Variants in NAALADL2 observed in about 807,000 individuals in gnomAD.
The protein encoded by NAALADL2 is inactive N-acetylated-alpha-linked acidic dipeptidase-like protein 2.
Under a neutral mutation model 87.2 loss-of-function variants are expected in NAALADL2, and 76 were observed. The ratio of observed to expected loss-of-function variants is 0.87; its 90% CI spans 0.72 to 1.05. NAALADL2 has a LOEUF of 1.05. NAALADL2 is among the 50% of genes least tolerant of loss of function. The probability of loss-of-function intolerance (pLI) is 0.00; values close to 1 mark genes in which losing one functional copy is unlikely to be tolerated. For missense variants in NAALADL2, 1,089 were observed against 945.8 expected (o/e 1.15, Z -1.99); for synonymous variants, 354 against 331.0 (o/e 1.07, Z -0.75).
chr3:174,446,385 C>G (rs932698526), intron 1 of NAALADL2, among the ~76,000 whole-genome samples: 1 of 151,966 alleles, frequency 6.6e-6, no homozygotes, highest in African/African-American at 2.4e-5. Context: ...GCTTTTTGCT[C>G]TTTTACAATC....
intron 13 of NAALADL2, among the ~76,000 whole-genome samples, chr3:175,769,337 T>A (rs1293073555): frequency 6.6e-6 from 1 of 152,206 alleles, no homozygotes; most frequent in Non-Finnish European, 1.5e-5. Flanking sequence ...AATAAATATG[T>A]AATCACAAAC....
chr3:174,553,610 A>T (rs1432855734), intron 2 of NAALADL2, among the ~76,000 whole-genome samples: 4 of 152,114 alleles, frequency 2.6e-5, no homozygotes, highest in African/African-American at 9.7e-5. Context: ...TTTAGGTGGG[A>T]ATTAGATTTA....
At chr3:175,369,502 T>C (rs1766171397) in intron 5 of NAALADL2, 1 of 152,076 alleles carries the variant, frequency 6.6e-6, no homozygotes, top group African/African-American at 2.4e-5. Context: ...AACAAGTATG[T>C]GTGTGCCTGT....
intron 2 of NAALADL2, among the ~76,000 whole-genome samples, chr3:174,577,856 GC>G (rs1214324155): frequency 6.6e-6 from 1 of 151,956 alleles, no homozygotes; most frequent in Non-Finnish European, 1.5e-5. Flanking sequence ...TTAATACAGT[GC>G]TTTTATTATA....
intron 11 of NAALADL2, among the ~76,000 whole-genome samples, chr3:175,654,928 A>G (rs1731247129): frequency 6.7e-6 from 1 of 149,732 alleles, no homozygotes; most frequent in African/African-American, 2.5e-5. Flanking sequence ...AAAGTGCAAG[A>G]TATCTTTTTT....
At chr3:174,698,358 T>G (rs1385092081) in intron 2 of NAALADL2, among the ~76,000 whole-genome samples, 1 of 152,160 alleles carries the variant, frequency 6.6e-6, no homozygotes, top group East Asian at 1.9e-4. Context: ...AAGATAATTT[T>G]ACTGGTTCTA....
At chr3:175,465,063 A>G (rs1230177220) in intron 7 of NAALADL2, among the ~76,000 whole-genome samples, 1 of 151,984 alleles carries the variant, frequency 6.6e-6, no homozygotes, top group East Asian at 1.9e-4. Flanking sequence ...AGTTTCTCAA[A>G]TTTTGCTTAT....
chr3:175,221,246 C>T (rs998982465), intron 2 of NAALADL2, among the ~76,000 whole-genome samples: 1 of 148,612 alleles, frequency 6.7e-6, no homozygotes, highest in African/African-American at 2.5e-5. Flanking sequence ...TCACCATAGA[C>T]TTATTGGTTA....
chr3:175,084,970 T>G (rs956455321), intron 1 of NAALADL2, among the ~76,000 whole-genome samples: 1 of 152,188 alleles, frequency 6.6e-6, no homozygotes, highest in African/African-American at 2.4e-5. Context: ...TCCCTACTTT[T>G]TCTCCAAAAG....
chr3:174,766,878 C>A (rs1713866439), intron 3 of NAALADL2, among the ~76,000 whole-genome samples: 1 of 152,154 alleles, frequency 6.6e-6, no homozygotes, highest in African/African-American at 2.4e-5. Flanking sequence ...ACTAAGCAGG[C>A]TGAAATTTCT....
chr3:174,835,404 T>A (rs530294600), intron 3 of NAALADL2, among the ~76,000 whole-genome samples: 1 of 152,204 alleles, frequency 6.6e-6, no homozygotes, highest in Admixed American at 6.5e-5. Flanking sequence ...ATAAATCTCT[T>A]AGAAGAAAAC....
At chr3:174,801,141 T>A (rs2861848) in intron 3 of NAALADL2, among the ~76,000 whole-genome samples, 40,628 of 152,042 alleles carry the variant, frequency 0.27, 5,723 homozygotes, top group East Asian at 0.43. Flanking sequence ...TGGTTTTGAA[T>A]GCGAGGACAT....
intron 9 of NAALADL2, among the ~76,000 whole-genome samples, chr3:175,522,694 T>C (rs1732814560): frequency 6.6e-6 from 1 of 152,250 alleles, no homozygotes. Flanking sequence ...CTTCTGATAT[T>C]GTCTTCTCAG....
intron 1 of NAALADL2, among the ~76,000 whole-genome samples, chr3:174,465,127 T>C (rs1237556528): frequency 6.6e-6 from 1 of 152,120 alleles, no homozygotes; most frequent in African/African-American, 2.4e-5. Context: ...TTATGCACAA[T>C]GAAAACTTTT....
chr3:175,465,473 C>CTTTTTTTTTTTTT (rs71164634), intron 7 of NAALADL2, among the ~76,000 whole-genome samples: 3 of 106,746 alleles, frequency 2.8e-5, no homozygotes, highest in African/African-American at 1.1e-4. Flanking sequence ...TGAATTAAAT[C>CTTTTTTTTTTTTT]TTTTTTTTTT....
At chr3:175,432,140 T>A (rs557295368) in intron 5 of NAALADL2, among the ~76,000 whole-genome samples, 3 of 152,094 alleles carry the variant, frequency 2.0e-5, no homozygotes, top group Non-Finnish European at 4.4e-5. Context: ...ACTCTTAGCA[T>A]TACATTATTT....
chr3:175,017,539 T>C (rs1225017196), intron 1 of NAALADL2, among the ~76,000 whole-genome samples: 1 of 152,072 alleles, frequency 6.6e-6, no homozygotes, highest in Non-Finnish European at 1.5e-5. Flanking sequence ...CAGTGTGCCC[T>C]GGTTGATCCT....
At chr3:175,563,695 G>C (rs1716651123) in intron 9 of NAALADL2, among the ~76,000 whole-genome samples, 1 of 152,128 alleles carries the variant, frequency 6.6e-6, no homozygotes, top group South Asian at 2.1e-4. Flanking sequence ...AAACATGTAG[G>C]AGAGGCAGAA....
intron 2 of NAALADL2, among the ~76,000 whole-genome samples, chr3:174,707,961 A>G (rs770576932): frequency 7.2e-5 from 11 of 152,300 alleles, no homozygotes; most frequent in South Asian, 2.1e-4. Flanking sequence ...AGTTCCATAA[A>G]CATACTAATA....
Sources: allele counts gnomAD v4.1 joint callset (sites outside exome capture counted in the v4.1 genomes callset), GRCh38; gene constraint gnomAD v4.1.1; transcripts MANE v1.5; gene names NCBI Gene and HGNC (gene_info 2026-07-23, HGNC 2026-07-21).